Variants in COL26A1 observed in about 807,000 individuals in gnomAD.
COL26A1 encodes collagen alpha-1(XXVI) chain.
Under a neutral mutation model 59.3 loss-of-function variants are expected in COL26A1, and 41 were observed. The observed-to-expected ratio is 0.69, with a 90% CI of 0.54 to 0.90. The LOEUF is 0.90. Among genes scored for constraint, COL26A1 ranks in the 40% least tolerant of loss-of-function variants. The pLI is 0.00. For missense variants in COL26A1, 612 were observed against 602.3 expected (o/e 1.02, Z -0.17); for synonymous variants, 266 against 256.0 (o/e 1.04, Z -0.37).
At chr7:101,362,763 C>T (rs1277911112), upstream of COL26A1, 2 of 496,876 alleles carry the variant, frequency 4.0e-6, no homozygotes, top group African/African-American at 2.1e-5. Flanking sequence ...CCGCCACTGC[C>T]GCCTCCTCGG....
At chr7:101,406,330 A>G (rs1247738894) in intron 1 of COL26A1, among the ~76,000 whole-genome samples, 1 of 152,188 alleles carries the variant, frequency 6.6e-6, no homozygotes, top group Non-Finnish European at 1.5e-5. Context: ...AAAACTGATC[A>G]GGCCATGGTG....
intron 3 of COL26A1, among the ~76,000 whole-genome samples, chr7:101,517,664 G>A (rs1047399059): frequency 2.6e-5 from 4 of 152,102 alleles, no homozygotes; most frequent in Non-Finnish European, 5.9e-5. Flanking sequence ...TTTGGGTGAG[G>A]ACACAGCCAA....
intron 3 of COL26A1, among the ~76,000 whole-genome samples, chr7:101,526,576 C>T (rs145724251): frequency 4.9e-4 from 74 of 152,356 alleles, no homozygotes; most frequent in African/African-American, 1.7e-3. Flanking sequence ...ATAACCAACT[C>T]CTGCCCTATC....
intron 2 of COL26A1, among the ~76,000 whole-genome samples, chr7:101,444,476 C>T (rs1462538283): frequency 6.7e-6 from 1 of 148,822 alleles, no homozygotes. Flanking sequence ...AGTGCAGTGG[C>T]GTGATCTCCA....
chr7:101,482,442 A>G (rs183460324), intron 3 of COL26A1, among the ~76,000 whole-genome samples: 1 of 152,330 alleles, frequency 6.6e-6, no homozygotes, highest in African/African-American at 2.4e-5. Context: ...GAAGTGGCAG[A>G]AAGGCAATAA....
chr7:101,420,258 A>G (rs144730267), intron 2 of COL26A1, among the ~76,000 whole-genome samples, 159 bp downstream of exon 2: 24 of 152,294 alleles, frequency 1.6e-4, no homozygotes, highest in African/African-American at 5.8e-4. Context: ...GGGTGTGTGT[A>G]TATAGGGTAT....
intron 3 of COL26A1, among the ~76,000 whole-genome samples, chr7:101,486,329 C>G (rs919656615): frequency 2.0e-5 from 3 of 152,226 alleles, no homozygotes; most frequent in South Asian, 2.1e-4. Flanking sequence ...CACGTCCCCC[C>G]CAACCCCACA....
In COL26A1 at chr7:101,552,172, T is replaced by C. The variant is rs530408858; in HGVS notation, c.1029+1029T>C. Among the ~76,000 whole-genome samples the C allele has an allele frequency of 2.0e-5, 3 of 152,324 alleles. No homozygotes were observed. The East Asian group carries it at 5.8e-4, about 29-fold the overall frequency. On this transcript the variant is annotated intron_variant, in intron 10 of 12. Transcript: ENST00000313669. ...GTGCCAGGCTCTAATCTAAGCTCAT[T>C]GTCCCTATTGATTAACTTAATCCTC... is the stretch of plus-strand genomic sequence containing the variant.
chr7:101,363,050 C>T lies in COL26A1; in HGVS notation c.18C>T (p.Leu6=), dbSNP rs759738933. MKLAL[L]LPWACCCLCG... is the part of the protein sequence containing the mutation. The stretch of plus-strand genomic sequence containing the variant: ...TGCGCACGATGAAGCTGGCCCTGCT[C>T]CTGCCCTGGGCGTGTTGCTGCCTCT... The change falls in exon 1 of 13, where the codon CTC becomes CTT. Residue 6 remains leucine, a synonymous_variant. Coordinates refer to ENST00000313669, the MANE Select transcript of COL26A1 (RefSeq NM_001278563.3). 2.9e-5 allele frequency: 46 copies of T among 1,581,710 alleles called. 1 individual carries two copies. The South Asian group carries it at 5.0e-4, about 17-fold the overall frequency.
rs141453062 is a variant in COL26A1, at chr7:101,443,228, T to C, written c.282-4456T>C. On this transcript the variant is annotated intron_variant, in intron 2 of 12. Transcript: ENST00000313669. ...CCAGTTGCTCCCAAAAGCTGGGGGC[T>C]TTGCTCTCCAGCTCACAGCTGTGGG... is the stretch of plus-strand genomic sequence containing the variant. Among the ~76,000 whole-genome samples, 81 of 152,190 alleles carry C rather than the reference T, an allele frequency of 5.3e-4. 1 individual carries two copies. In the East Asian group the frequency reaches 0.014, roughly 26 times the overall value.
Position 101,540,148 on chromosome 7 carries a change from T to G in COL26A1, c.604+99T>G, listed in dbSNP as rs368678041. ...TAGAGAGGCCACACACTAGACACTC[T>G]AGTTCCAACATGCCATGTGGCATTT... is the stretch of plus-strand genomic sequence containing the variant. On this transcript the variant is annotated intron_variant, in intron 5 of 12. Coordinates refer to ENST00000313669, the MANE Select transcript of COL26A1 (RefSeq NM_001278563.3). 2.8e-5 allele frequency: 34 copies of G among 1,233,600 alleles called. No individual in the cohort carries two copies. In the African/African-American group the frequency reaches 4.5e-4, roughly 17 times the overall value. The allele number at this position is 1,233,600 out of a possible 1,614,324, so 76.4% of individuals were successfully genotyped here. A position where few individuals can be genotyped will look rare whatever the true frequency, so the allele number is the denominator to read the frequency against.
chr7:101,551,238 T>TGGGGGGGGGGCC, intron 10 of COL26A1, 95 bp downstream of exon 10: 4 of 491,348 alleles, frequency 8.1e-6, no homozygotes, highest in Admixed American at 2.4e-5. Context: ...GGTGGGGGGG[T>TGGGGGGGGGGCC]TCAGCCCTGG....
At chr7:101,446,756 A>G (rs1048543564) in intron 2 of COL26A1, among the ~76,000 whole-genome samples, 3 of 151,894 alleles carry the variant, frequency 2.0e-5, no homozygotes, top group African/African-American at 7.3e-5. Context: ...CTGAGGCAGG[A>G]GAATCGCTTG....
At chr7:101,547,916 G>A (rs1795775281) in intron 8 of COL26A1, among the ~76,000 whole-genome samples, 1 of 152,098 alleles carries the variant, frequency 6.6e-6, no homozygotes, top group African/African-American at 2.4e-5. Flanking sequence ...AGTGATCTAG[G>A]TTCCCGGAAC....
In COL26A1 at chr7:101,476,142, T is replaced by TTGTGTGTGTGTGTG. The variant is rs56666965; in HGVS notation, c.385+28378_385+28391dup. On this transcript the variant is annotated intron_variant, in intron 3 of 12. Coordinates refer to ENST00000313669, the MANE Select transcript of COL26A1 (RefSeq NM_001278563.3). ...GGTGCATGCCACCACTCCCAGCTAA[T>TTGTGTGTGTGTGTG]TGTGTGTGTGTGTGTGTGTGTGTGT... 6.7e-3 allele frequency among the ~76,000 whole-genome samples: 980 copies of TTGTGTGTGTGTGTG among 146,312 alleles called. 6 individuals are homozygous for TTGTGTGTGTGTGTG. Among genetic ancestry groups the TTGTGTGTGTGTGTG allele is most frequent in the African/African-American group, 0.023 (925 of 39,654 alleles).
intron 3 of COL26A1, among the ~76,000 whole-genome samples, chr7:101,461,338 G>A (rs1793606593): frequency 6.8e-6 from 1 of 147,118 alleles, no homozygotes; most frequent in African/African-American, 2.5e-5. Context: ...CGCTGTTGTT[G>A]TGCAGGCTGG....
At position 101,420,016 on chromosome 7, in the gene COL26A1, C is replaced by T; in HGVS notation, c.198C>T (p.Cys66=). The part of the protein sequence containing the change: ...CHHTVTRTVS[C]QVQNGSETVV... ...ACACAGTGACACGGACGGTGTCCTG[C>T]CAGGTGCAGAATGGCTCGGAGACGG... is the stretch of plus-strand genomic sequence containing the variant. The change falls in exon 2 of 13, where the codon TGC becomes TGT. Residue 66 remains cysteine (C), a synonymous_variant. Coordinates refer to ENST00000313669, the MANE Select transcript of COL26A1 (RefSeq NM_001278563.3). The T allele has an allele frequency of 6.2e-7, 1 of 1,613,772 alleles. No homozygotes were observed. Among genetic ancestry groups the T allele is most frequent in the Non-Finnish European group, 8.5e-7 (1 of 1,179,850 alleles).
intron 3 of COL26A1, among the ~76,000 whole-genome samples, chr7:101,465,929 G>C (rs1355435874): frequency 6.6e-6 from 1 of 152,074 alleles, no homozygotes; most frequent in African/African-American, 2.4e-5. Context: ...TTGGGCAAGG[G>C]TGCCGTGGCA....
rs531628305 is a variant in COL26A1, at chr7:101,555,688, G to C, written c.1081-99G>C. 9.1e-6 allele frequency: 7 copies of C among 769,088 alleles called. No individual in the cohort carries two copies. The East Asian group carries it at 1.9e-4, about 21-fold the overall frequency. The allele number at this position is 769,088 out of a possible 1,614,324, so 47.6% of individuals were successfully genotyped here. ...GGGTGTCGGGTGGGAAGAGGCAGGG[G>C]TGGGGGGCTTTGAGGACACATACAC... On this transcript the variant is annotated intron_variant, in intron 11 of 12. Coordinates refer to ENST00000313669, the MANE Select transcript of COL26A1 (RefSeq NM_001278563.3).
Sources: gnomAD v4.1 joint callset for allele counts (sites outside exome capture counted in the v4.1 genomes callset) on GRCh38, gnomAD v4.1.1 for gene constraint, MANE v1.5 for transcripts, NCBI Gene and HGNC (gene_info 2026-07-23, HGNC 2026-07-21) for gene names.